MVB12B: variants seen among roughly 807,000 people sequenced by gnomAD.
MVB12B encodes ESCRT-I complex subunit MVB12B.
Under a neutral mutation model 41.6 loss-of-function variants are expected in MVB12B, and 16 were observed. The ratio of observed to expected loss-of-function variants is 0.38; its 90% CI spans 0.26 to 0.58. MVB12B has a LOEUF of 0.58. MVB12B is among the 20% of genes least tolerant of loss of function. MVB12B has a pLI of 0.62. For missense variants in MVB12B, 274 were observed against 380.2 expected (o/e 0.72, Z 2.32); for synonymous variants, 133 against 139.7 (o/e 0.95, Z 0.34).
chr9:126,335,280 T>G, intron 1 of MVB12B: 1 of 1,282,904 alleles, frequency 7.8e-7, no homozygotes. Context: ...GTCAGGATGC[T>G]ATCCTGAGGC....
intron 1 of MVB12B, among the ~76,000 whole-genome samples, chr9:126,335,735 C>T (rs1273491805): frequency 6.6e-6 from 1 of 152,218 alleles, no homozygotes; most frequent in Non-Finnish European, 1.5e-5. Context: ...AATGTTTATT[C>T]TTCTTCCTTC....
At chr9:126,357,960 A>G (rs1829926644) in intron 2 of MVB12B, among the ~76,000 whole-genome samples, 1 of 152,094 alleles carries the variant, frequency 6.6e-6, no homozygotes, top group Non-Finnish European at 1.5e-5. Flanking sequence ...TAGTTGTTAT[A>G]TTTAGATCAA....
intron 1 of MVB12B, among the ~76,000 whole-genome samples, chr9:126,328,692 G>A (rs901029112): frequency 6.6e-6 from 1 of 152,204 alleles, no homozygotes; most frequent in Non-Finnish European, 1.5e-5. Flanking sequence ...GTCAGTAAAC[G>A]GTAGGGGTCA....
intron 9 of MVB12B, among the ~76,000 whole-genome samples, chr9:126,494,530 T>C (rs1375321055): frequency 6.6e-6 from 1 of 152,234 alleles, no homozygotes; most frequent in Non-Finnish European, 1.5e-5. Flanking sequence ...ATCTCGCCTT[T>C]TGCATGTCCT....
At chr9:126,380,900 C>T (rs1011006810) in intron 2 of MVB12B, among the ~76,000 whole-genome samples, 164 bp from the exon 3 acceptor site, 4 of 152,204 alleles carry the variant, frequency 2.6e-5, no homozygotes, top group African/African-American at 7.2e-5. Flanking sequence ...TCACACCCTC[C>T]CTTTTGGAAA....
intron 1 of MVB12B, among the ~76,000 whole-genome samples, chr9:126,328,367 CT>C (rs1829039873): frequency 6.6e-6 from 1 of 152,188 alleles, no homozygotes; most frequent in Admixed American, 6.5e-5. Flanking sequence ...TCCTTCTAGG[CT>C]TTAGGTCACA....
At chr9:126,420,770 CAACCTCAGGTGAT>C (rs1831987948) in intron 6 of MVB12B, among the ~76,000 whole-genome samples, 1 of 151,916 alleles carries the variant, frequency 6.6e-6, no homozygotes, top group African/African-American at 2.4e-5. Flanking sequence ...GTCAAACCCC[CAACCTCAGGTGAT>C]CTACCCACCT....
Position 126,408,564 on chromosome 9 carries a change from C to G in MVB12B, c.662+12867C>G, listed in dbSNP as rs949207110. Among the ~76,000 whole-genome samples the G allele has an allele frequency of 3.3e-5, 5 of 151,922 alleles. No individual in the cohort carries two copies. The East Asian group carries it at 7.8e-4, about 24-fold the overall frequency. On this transcript the variant is annotated intron_variant, in intron 6 of 9. Coordinates refer to ENST00000361171, the MANE Select transcript of MVB12B (RefSeq NM_033446.3). ...CCTTTTCCACAAGAGGGTAAGTGAA[C>G]CCGTCACAGGCTTTTAAGGAGAGAT...
At chr9:126,355,134 A>G (rs10435897) in intron 2 of MVB12B, among the ~76,000 whole-genome samples, 24,911 of 152,248 alleles carry the variant, frequency 0.16, 2,719 homozygotes, top group East Asian at 0.43. Flanking sequence ...TATCCCACAG[A>G]TGAAACCCAC....
chr9:126,450,543 C>T (rs939096334), intron 7 of MVB12B, among the ~76,000 whole-genome samples: 3 of 152,190 alleles, frequency 2.0e-5, no homozygotes, highest in African/African-American at 7.2e-5. Context: ...CAGGAAACTG[C>T]ATTTGATAGG....
chr9:126,423,150 T>G (rs1832074122), intron 7 of MVB12B, among the ~76,000 whole-genome samples: 3 of 152,216 alleles, frequency 2.0e-5, no homozygotes, highest in Admixed American at 1.3e-4. Flanking sequence ...GGCATAGAGG[T>G]GCAGAACAGG....
chr9:126,423,864 T>G (rs1832095681), intron 7 of MVB12B, among the ~76,000 whole-genome samples: 1 of 152,250 alleles, frequency 6.6e-6, no homozygotes, highest in Admixed American at 6.5e-5. Context: ...TATCTCAGTT[T>G]GGTATTGTGA....
intron 7 of MVB12B, among the ~76,000 whole-genome samples, chr9:126,451,420 G>A (rs531658297): frequency 6.6e-6 from 1 of 152,144 alleles, no homozygotes; most frequent in Non-Finnish European, 1.5e-5. Context: ...GTCAGGGACA[G>A]GTCAGGGGTA....
At chr9:126,352,719 G>T (rs1474950015) in intron 2 of MVB12B, among the ~76,000 whole-genome samples, 1 of 152,124 alleles carries the variant, frequency 6.6e-6, no homozygotes, top group Non-Finnish European at 1.5e-5. Context: ...TGTACTTACT[G>T]GGAAGATTAG....
chr9:126,425,074 A>G (rs182517564), intron 7 of MVB12B, among the ~76,000 whole-genome samples: 37 of 152,306 alleles, frequency 2.4e-4, no homozygotes, highest in Admixed American at 1.0e-3. Context: ...GGAAAGAAAA[A>G]CAGGTAACAA....
chr9:126,402,996 G>A (rs1242806879), intron 6 of MVB12B, among the ~76,000 whole-genome samples: 1 of 152,240 alleles, frequency 6.6e-6, no homozygotes, highest in Non-Finnish European at 1.5e-5. Context: ...CGAGCCCTCT[G>A]GAGGGGTCGA....
chr9:126,442,825 C>T lies in MVB12B; in HGVS notation c.757+20877C>T, dbSNP rs150703508. Among the ~76,000 whole-genome samples, 778 of 152,274 alleles carry T rather than the reference C, an allele frequency of 5.1e-3. 8 individuals carry two copies. Among genetic ancestry groups the T allele is most frequent in the Non-Finnish European group, 7.2e-3 (487 of 68,020 alleles). On this transcript the variant is annotated intron_variant, in intron 7 of 9. Transcript: ENST00000361171. ...TGGGCAGAAGTGTATCCTCTTCCCC[C>T]AATGTGCCTTTCACACGGCAGTGGG...
intron 2 of MVB12B, among the ~76,000 whole-genome samples, chr9:126,378,494 C>T (rs1054271266): frequency 6.6e-6 from 1 of 152,186 alleles, no homozygotes; most frequent in Non-Finnish European, 1.5e-5. Context: ...TCTCACTCCT[C>T]ACCCAGTACC....
chr9:126,405,711 CT>C (rs1831400616), intron 6 of MVB12B, among the ~76,000 whole-genome samples: 1 of 149,710 alleles, frequency 6.7e-6, no homozygotes, highest in African/African-American at 2.5e-5. Context: ...CTTGCAGTTA[CT>C]TTTAAAAGGC....
Sources: gnomAD v4.1 joint callset for allele counts (sites outside exome capture counted in the v4.1 genomes callset) on GRCh38, gnomAD v4.1.1 for gene constraint, MANE v1.5 for transcripts, NCBI Gene and HGNC (gene_info 2026-07-23, HGNC 2026-07-21) for gene names.